The following SAFB variants were observed in gnomAD, a reference collection of about 807,000 sequenced individuals.
SAFB encodes the protein scaffold attachment factor B, also known as scaffold attachment factor B1.
In SAFB, 15 loss-of-function variants were observed where a neutral mutation model predicts 101.6. The ratio of observed to expected loss-of-function variants is 0.15; its 90% confidence interval spans 0.10 to 0.23. SAFB has a LOEUF of 0.23. Among genes scored for constraint, SAFB ranks in the 10% least tolerant of loss-of-function variants. The pLI is 1.00. For synonymous variants in SAFB, 449 were observed against 407.5 expected, an observed-to-expected ratio of 1.10 and a Z score of -1.23; for missense variants, 930 against 1,104.1, an observed-to-expected ratio of 0.84 and a Z score of 2.23.
At chr19:5,642,828 A>T (rs915515403) in intron 4 of SAFB, among the ~76,000 whole-genome samples, 3 of 151,296 alleles carry the variant, frequency 2.0e-5, no homozygotes, top group Admixed American at 1.3e-4. Flanking sequence ...ACCAAGCCCG[A>T]CTAATTTTCT....
Position 5,654,065 on chromosome 19 carries a change from A to G in SAFB, c.1531A>G (p.Thr511Ala), listed in dbSNP as rs371170328. ...KEKSSNSDRS[T>A]NLKRDDKCDR... is the part of the protein sequence containing the mutation. ...CAACATGTCTGTTTTTTATAGATCT[A>G]CAAACCTTAAGAGGGATGATAAATG... The change falls in exon 12 of 21, where the codon ACA becomes GCA. Residue 511 changes from threonine (T) to alanine (A), a missense_variant. Coordinates refer to ENST00000588852, the MANE Select transcript of SAFB (RefSeq NM_001201338.2). 100 of 1,614,100 alleles carry G rather than the reference A, an allele frequency of 6.2e-5. No individual in the cohort carries two copies. Among genetic ancestry groups the G allele is most frequent in the African/African-American group, 4.7e-4 (35 of 75,044 alleles).
At chr19:5,646,965 CT>C (rs1399993589) in intron 5 of SAFB, among the ~76,000 whole-genome samples, 2 of 152,194 alleles carry the variant, frequency 1.3e-5, no homozygotes, top group Admixed American at 6.5e-5. Flanking sequence ...CAGTCTGTTA[CT>C]CTGTAAAAAG....
At chr19:5,624,970 G>T (rs2053324016) in intron 1 of SAFB, among the ~76,000 whole-genome samples, 1 of 152,134 alleles carries the variant, frequency 6.6e-6, no homozygotes, top group Non-Finnish European at 1.5e-5. Flanking sequence ...TCCCTGGACG[G>T]TCCATAGGCC....
At chr19:5,632,768 T>C (rs2053517378) in intron 2 of SAFB, among the ~76,000 whole-genome samples, 1 of 152,216 alleles carries the variant, frequency 6.6e-6, no homozygotes, top group African/African-American at 2.4e-5. Context: ...AACCGGGTCT[T>C]GCCCTGTTAC....
chr19:5,656,843 T>C (rs562934480), intron 13 of SAFB, among the ~76,000 whole-genome samples: 50 of 152,248 alleles, frequency 3.3e-4, no homozygotes, highest in South Asian at 1.9e-3. Flanking sequence ...CGATCTTGGC[T>C]CACTGCAAGC....
chr19:5,641,176 T>C (rs2053704614), intron 2 of SAFB, among the ~76,000 whole-genome samples: 1 of 152,140 alleles, frequency 6.6e-6, no homozygotes, highest in African/African-American at 2.4e-5. Flanking sequence ...GGCCCTTCTT[T>C]TTTCTTTTTA....
At chr19:5,663,589 G>A (rs902322633) in intron 15 of SAFB, among the ~76,000 whole-genome samples, 3 of 152,052 alleles carry the variant, frequency 2.0e-5, no homozygotes, top group African/African-American at 7.2e-5. Context: ...GTTCATTATG[G>A]TCATCTGTGT....
At chr19:5,630,671 G>T (rs1383620148) in intron 2 of SAFB, among the ~76,000 whole-genome samples, 2 of 150,712 alleles carry the variant, frequency 1.3e-5, no homozygotes, top group African/African-American at 2.4e-5. Context: ...CAGGAAAATC[G>T]CTTGAACCCG....
At chr19:5,650,579 T>C (rs2053917131) in intron 8 of SAFB, among the ~76,000 whole-genome samples, 1 of 152,074 alleles carries the variant, frequency 6.6e-6, no homozygotes, top group South Asian at 2.1e-4. Flanking sequence ...ACCCAGCTGA[T>C]TTTTTGTATT....
At chr19:5,665,360 C>T (rs551833240) in intron 17 of SAFB, 4 of 152,292 alleles carry the variant, frequency 2.6e-5, no homozygotes, top group African/African-American at 9.6e-5. Context: ...ACTGGCGTCA[C>T]ACCTTGGTGT....
At chr19:5,626,256 G>GA in intron 1 of SAFB, 149 bp from the exon 2 acceptor site, 1 of 599,734 alleles carries the variant, frequency 1.7e-6, no homozygotes, top group South Asian at 2.0e-5. Flanking sequence ...CGAGATAACA[G>GA]ATGAGTGGAT....
At chr19:5,664,823 T>G in intron 17 of SAFB, 1 of 240,910 alleles carries the variant, frequency 4.2e-6, no homozygotes, top group Non-Finnish European at 8.2e-6. Context: ...TGTCCTCGAG[T>G]GCCTGCCCTC....
intron 4 of SAFB, among the ~76,000 whole-genome samples, chr19:5,644,727 T>C (rs1261522979): frequency 6.6e-6 from 1 of 152,260 alleles, no homozygotes; most frequent in Non-Finnish European, 1.5e-5. Context: ...TCACAAATTA[T>C]CTGAACCCCC....
At chr19:5,627,447 T>A (rs2053391010) in intron 2 of SAFB, among the ~76,000 whole-genome samples, 1 of 151,590 alleles carries the variant, frequency 6.6e-6, no homozygotes, top group Non-Finnish European at 1.5e-5. Flanking sequence ...CAACATGGAG[T>A]CCAAAAAGTA....
At chr19:5,639,356 A>T (rs1252812641) in intron 2 of SAFB, among the ~76,000 whole-genome samples, 1 of 152,222 alleles carries the variant, frequency 6.6e-6, no homozygotes, top group Non-Finnish European at 1.5e-5. Context: ...ATGAAGGTAT[A>T]AACCACTTAC....
intron 4 of SAFB, among the ~76,000 whole-genome samples, chr19:5,642,481 C>G (rs1014497758): frequency 1.3e-5 from 2 of 150,138 alleles, no homozygotes; most frequent in African/African-American, 4.9e-5. Context: ...AAAAAAAAAA[C>G]ACAGCCAGTT....
At chr19:5,630,329 T>C (rs1242346939) in intron 2 of SAFB, among the ~76,000 whole-genome samples, 1 of 152,260 alleles carries the variant, frequency 6.6e-6, no homozygotes, top group African/African-American at 2.4e-5. Context: ...TTTGTCTTAT[T>C]GAGTTATAAA....
intron 2 of SAFB, among the ~76,000 whole-genome samples, chr19:5,639,988 C>T (rs1230123778): frequency 6.6e-6 from 1 of 151,464 alleles, no homozygotes; most frequent in Non-Finnish European, 1.5e-5. Context: ...CAGTCATGCC[C>T]CACCACACCT....
rs530219184 is a variant in SAFB at position 5,655,893 on chromosome 19, C to T, written c.1756-1348C>T. ...ACCGGAAGTGCTTCATTTGGGAACTCATTGTGTGTTTAATTATTGAAGGAA... is the reference window on the plus strand; with the variant it reads ...ACCGGAAGTGCTTCATTTGGGAACTTATTGTGTGTTTAATTATTGAAGGAA... On this transcript the variant is annotated intron_variant, in intron 13 of 20. Transcript: ENST00000588852. 3.5e-4 allele frequency among the ~76,000 whole-genome samples: 53 copies of T among 152,252 alleles called. 1 individual carries two copies. The South Asian group carries it at 0.01, about 30-fold the overall frequency.
Sources: allele counts gnomAD v4.1 joint callset (sites outside exome capture counted in the v4.1 genomes callset), GRCh38; gene constraint gnomAD v4.1.1; transcripts MANE v1.5; gene names NCBI Gene and HGNC (gene_info 2026-07-23, HGNC 2026-07-21).